The following FAM81A variants were observed in gnomAD, a reference collection of about 807,000 sequenced individuals.
FAM81A encodes family with sequence similarity 81 member A.
In FAM81A, 19 loss-of-function variants were observed where a neutral mutation model predicts 46.7. The ratio of observed to expected loss-of-function variants is 0.41; its 90% CI spans 0.28 to 0.60. The LOEUF is 0.60. Among genes scored for constraint, FAM81A ranks in the 20% least tolerant of loss-of-function variants. The pLI is 0.34. For missense variants in FAM81A, 377 were observed against 453.5 expected, an observed-to-expected ratio of 0.83 and a Z score of 1.53; for synonymous variants, 183 against 152.9, an observed-to-expected ratio of 1.20 and a Z score of -1.45.
chr15:59,478,245 G>C (rs1180246346), intron 3 of FAM81A, among the ~76,000 whole-genome samples: 1 of 152,198 alleles, frequency 6.6e-6, no homozygotes, highest in Non-Finnish European at 1.5e-5. Flanking sequence ...GTTCCCATGT[G>C]CTCAACTTCA....
intron 2 of FAM81A, among the ~76,000 whole-genome samples, chr15:59,420,272 C>T (rs1313777231): frequency 6.6e-6 from 1 of 152,216 alleles, no homozygotes; most frequent in Non-Finnish European, 1.5e-5. Context: ...GTTTAAGTGA[C>T]TAGGACTTGA....
At chr15:59,458,984 TG>T (rs2081517700) in intron 2 of FAM81A, among the ~76,000 whole-genome samples, 1 of 152,238 alleles carries the variant, frequency 6.6e-6, no homozygotes, top group African/African-American at 2.4e-5. Flanking sequence ...GTACATTGCT[TG>T]GCCTAGCATG....
rs570294470 is a variant in FAM81A, at chr15:59,518,502, T to A, written c.982+1662T>A. ...CCAGCTCATTTTTTTATTTAAAAAA[T>A]TTTTTTAGAGATGGGTCCTCAGTAT... On this transcript the variant is annotated intron_variant, in intron 8 of 8. Coordinates refer to ENST00000288228, the MANE Select transcript of FAM81A (RefSeq NM_152450.3). Among the ~76,000 whole-genome samples the A allele has an allele frequency of 5.9e-5, 9 of 152,032 alleles. No individual in the cohort carries two copies. The East Asian group carries it at 1.6e-3, about 26-fold the overall frequency.
At chr15:59,490,502 A>G (rs2081969374) in intron 3 of FAM81A, among the ~76,000 whole-genome samples, 1 of 152,244 alleles carries the variant, frequency 6.6e-6, no homozygotes, top group South Asian at 2.1e-4. Context: ...AAGGTGCTCA[A>G]CATCATTGAT....
chr15:59,468,416 T>C (rs1032479749), intron 3 of FAM81A, among the ~76,000 whole-genome samples: 29 of 152,350 alleles, frequency 1.9e-4, no homozygotes, highest in African/African-American at 6.7e-4. Context: ...GAGATTCAAC[T>C]TCTTCCTGGT....
At chr15:59,463,677 T>C (rs1253668863) in intron 3 of FAM81A, among the ~76,000 whole-genome samples, 2 of 151,868 alleles carry the variant, frequency 1.3e-5, no homozygotes, top group African/African-American at 4.8e-5. Flanking sequence ...ACCCTATCTT[T>C]CTCTAAAAAT....
intron 3 of FAM81A, among the ~76,000 whole-genome samples, chr15:59,491,965 CAAAAAAA>C (rs1227558723): frequency 4.9e-4 from 63 of 128,082 alleles, no homozygotes; most frequent in African/African-American, 1.8e-3. Flanking sequence ...GACTCCATCT[CAAAAAAA>C]AAAGAAAAAA....
chr15:59,477,111 C>G (rs2081781436), intron 3 of FAM81A, among the ~76,000 whole-genome samples: 1 of 150,054 alleles, frequency 6.7e-6, no homozygotes. Flanking sequence ...CAGAGTGAGA[C>G]TCTGACTCAA....
rs758371681 is a variant in FAM81A, at chr15:59,523,412, G to C, written c.*2034G>C. 1 of 152,224 alleles carries C rather than the reference G, an allele frequency of 6.6e-6. No homozygotes were observed. The highest frequency in any genetic ancestry group is 1.9e-4 in the East Asian group (1 of 5,198). 9.4% of individuals were successfully genotyped at this position (152,224 alleles called of 1,614,324 possible). A position where few individuals can be genotyped will look rare whatever the true frequency, so the allele number is the denominator to read the frequency against. Reference sequence around the variant, plus strand: ...ATCAGTGCGTGCCCGAGGCCTCCGCGTGTTTGGGTGTGCAGCCGAGGTGGT... The same window carrying C: ...ATCAGTGCGTGCCCGAGGCCTCCGCCTGTTTGGGTGTGCAGCCGAGGTGGT... On this transcript the variant is annotated 3_prime_UTR_variant, in exon 9 of 9. Transcript: ENST00000288228.
chr15:59,519,508 TTCTC>T (rs1262342949), intron 8 of FAM81A, among the ~76,000 whole-genome samples: 33 of 145,904 alleles, frequency 2.3e-4, no homozygotes, highest in Middle Eastern at 3.4e-3. Context: ...CCTTCTCTCT[TTCTC>T]TCTTTCTTTC....
At chr15:59,408,909 G>C (rs2081108260) in intron 2 of FAM81A, 1 of 152,102 alleles carries the variant, frequency 6.6e-6, no homozygotes, top group Admixed American at 6.5e-5. Context: ...TAATCTGGCT[G>C]GTCTGAAGGC....
chr15:59,448,673 G>GT (rs1323277758), intron 1 of FAM81A, among the ~76,000 whole-genome samples: 1 of 151,202 alleles, frequency 6.6e-6, no homozygotes, highest in African/African-American at 2.4e-5. Flanking sequence ...TTGTTTTTTA[G>GT]TTTTTTTAGA....
intron 4 of FAM81A, among the ~76,000 whole-genome samples, chr15:59,503,472 C>T (rs1360048894): frequency 6.6e-6 from 1 of 151,886 alleles, no homozygotes; most frequent in Non-Finnish European, 1.5e-5. Flanking sequence ...AGTTTTTCCA[C>T]ATAACATGTG....
upstream of FAM81A, among the ~76,000 whole-genome samples, chr15:59,436,338 A>C (rs1468270836): frequency 2.0e-5 from 3 of 151,968 alleles, no homozygotes; most frequent in Non-Finnish European, 4.4e-5. Flanking sequence ...AGGATCTACT[A>C]TCACTCTCCT....
At position 59,460,236 on chromosome 15, in the gene FAM81A, G is replaced by T. The variant is rs2081535321; in HGVS notation, c.294+30G>T. The T allele has an allele frequency of 6.2e-7, 1 of 1,613,746 alleles. No homozygotes were observed. The highest frequency in any genetic ancestry group is 8.5e-7 in the Non-Finnish European group (1 of 1,179,888). ...GGTTTGTGAAAGTCAGGTGGCCTAT[G>T]TCCCTTTCCACAGAATTGCTCCATG... On this transcript the variant is annotated intron_variant, in intron 3 of 8. Coordinates refer to ENST00000288228, the MANE Select transcript of FAM81A (RefSeq NM_152450.3). The surrounding 1 kb of genome is among the most constrained non-coding windows in gnomAD (Gnocchi z 4.4).
Position 59,460,573 on chromosome 15 carries a change from C to T in FAM81A, c.294+367C>T, listed in dbSNP as rs1730598484. ...TTAAGTCAATTACTAAGGTCAGACT[C>T]TGTTGCTTCAGATTAAATGTTTCTA... is the stretch of plus-strand genomic sequence containing the variant. On this transcript the variant is annotated intron_variant, in intron 3 of 8. Transcript: ENST00000288228. The surrounding 1 kb of genome is among the most constrained non-coding windows in gnomAD (Gnocchi z 4.4). 2.8e-6 allele frequency: 1 copy of T among 358,694 alleles called. No individual in the cohort carries two copies. The highest frequency in any genetic ancestry group is 5.4e-6 in the Non-Finnish European group (1 of 186,510). The allele number at this position is 358,694 out of a possible 1,614,324, so 22.2% of individuals were successfully genotyped here. A position where few individuals can be genotyped will look rare whatever the true frequency, so the allele number is the denominator to read the frequency against.
intron 3 of FAM81A, among the ~76,000 whole-genome samples, chr15:59,467,693 C>A (rs773978525): frequency 4.6e-5 from 7 of 152,114 alleles, no homozygotes; most frequent in Non-Finnish European, 7.4e-5. Context: ...AATTGAACAC[C>A]CTTTATTTAT....
intron 1 of FAM81A, among the ~76,000 whole-genome samples, chr15:59,443,735 G>A (rs1039795316): frequency 6.6e-6 from 1 of 152,152 alleles, no homozygotes; most frequent in African/African-American, 2.4e-5. Context: ...GAGTCAAGTT[G>A]AGGTGTCCCC....
chr15:59,415,481 A>C (rs1356364173), intron 2 of FAM81A, among the ~76,000 whole-genome samples: 3 of 152,180 alleles, frequency 2.0e-5, no homozygotes, highest in African/African-American at 7.2e-5. Flanking sequence ...ATGAGTGCTT[A>C]AAAGTGGAAC....
Sources: gnomAD v4.1 joint callset for allele counts (sites outside exome capture counted in the v4.1 genomes callset) on GRCh38, gnomAD v4.1.1 for gene constraint, Gnocchi (gnomAD v3.1) non-coding constraint, MANE v1.5 for transcripts, NCBI Gene and HGNC (gene_info 2026-07-23, HGNC 2026-07-21) for gene names.